Variants in PARN observed in about 807,000 individuals in gnomAD.
The protein encoded by PARN is poly(A)-specific ribonuclease, also known as poly(A)-specific ribonuclease PARN.
A neutral mutation model predicts 102.8 loss-of-function variants in PARN; 71 were observed. The observed-to-expected ratio is 0.69, with a 90% CI of 0.57 to 0.84. The LOEUF (loss-of-function observed/expected upper bound fraction) is 0.84, where lower values mean the gene tolerates loss of function less well. PARN is among the 40% of genes least tolerant of loss of function. The probability of loss-of-function intolerance (pLI) is 0.00; values close to 1 mark genes in which losing one functional copy is unlikely to be tolerated. For missense variants in PARN, 782 were observed against 760.9 expected (o/e 1.03, Z -0.33); for synonymous variants, 261 against 252.9 (o/e 1.03, Z -0.30).
intron 21 of PARN, among the ~76,000 whole-genome samples, chr16:14,532,851 G>A (rs866986567): frequency 6.6e-6 from 1 of 151,348 alleles, no homozygotes; most frequent in African/African-American, 2.4e-5. Context: ...CTGGCCGGGC[G>A]GGGGGCTGAC....
At position 14,445,567 on chromosome 16, in the gene PARN, T is replaced by C. The variant is rs1168196380; in HGVS notation, c.1864+1321A>G. 2.6e-5 allele frequency among the ~76,000 whole-genome samples: 4 copies of C among 151,944 alleles called. No homozygotes were observed. In the South Asian group the frequency reaches 6.2e-4, roughly 24 times the overall value. On this transcript the variant is annotated intron_variant, in intron 23 of 23. Coordinates refer to ENST00000437198, the MANE Select transcript of PARN (RefSeq NM_002582.4). ...GGTTAAAAGCACTCACTTTCTTTTG[T>C]GTGTGTGTATGTAAGACAGGGTGTC... is the stretch of plus-strand genomic sequence containing the variant.
At chr16:14,481,047 T>C (rs1567308730) in intron 22 of PARN, among the ~76,000 whole-genome samples, 2 of 152,180 alleles carry the variant, frequency 1.3e-5, no homozygotes, top group Admixed American at 6.5e-5. Flanking sequence ...AAATGGCATA[T>C]CAAACTTGTA....
rs1967640251 is a variant in PARN, at chr16:14,555,690, T to C, written c.1282A>G (p.Met428Val). The part of the protein sequence containing the change: ...FFNKLFLMRV[M>V]DIPYLNLEGP... ...TCCAAGTTTAGATAGGGGATATCCA[T>C]GACCCTCATAAGAAATAACCTACAA... The change falls in exon 19 of 24, where the codon ATG becomes GTG. Residue 428 changes from methionine (M) to valine (V), a missense_variant. Coordinates refer to ENST00000437198, the MANE Select transcript of PARN (RefSeq NM_002582.4). 3 of 1,488,880 alleles carry C rather than the reference T, an allele frequency of 2.0e-6. No individual in the cohort carries two copies. The highest frequency in any genetic ancestry group is 2.0e-5 in the Admixed American group (1 of 50,088). 92.2% of individuals were successfully genotyped at this position (1,488,880 alleles called of 1,614,324 possible).
At chr16:14,527,266 T>C (rs1966059893) in intron 21 of PARN, among the ~76,000 whole-genome samples, 1 of 152,244 alleles carries the variant, frequency 6.6e-6, no homozygotes, top group African/African-American at 2.4e-5. Context: ...TTCCCTCTGC[T>C]TTAACCTTTA....
chr16:14,518,316 A>G (rs1965562972), intron 21 of PARN, among the ~76,000 whole-genome samples: 1 of 128,226 alleles, frequency 7.8e-6, no homozygotes, highest in Non-Finnish European at 1.7e-5. Context: ...AAAAAAAAAA[A>G]GACTACTCAT....
intron 3 of PARN, 23 bp from the exon 4 acceptor site, chr16:14,627,359 C>T: frequency 2.6e-6 from 4 of 1,552,340 alleles, no homozygotes; most frequent in Non-Finnish European, 2.6e-6. Context: ...AATAAAACAT[C>T]TGTCACAAAA....
intron 21 of PARN, among the ~76,000 whole-genome samples, chr16:14,523,533 C>T (rs930843041): frequency 6.6e-6 from 1 of 152,196 alleles, no homozygotes; most frequent in Non-Finnish European, 1.5e-5. Context: ...TTAGAGCAAT[C>T]TCTGCTTTCT....
In PARN at chr16:14,533,570, C is replaced by A. The variant is rs181183049; in HGVS notation, c.1480+18451G>T. ...CTAGCTCCCCGCTGCCCCACAGCTGCTCCACTCCACGTGCCCTCTGTTTCA... is the reference window on the plus strand; with the variant it reads ...CTAGCTCCCCGCTGCCCCACAGCTGATCCACTCCACGTGCCCTCTGTTTCA... On this transcript the variant is annotated intron_variant, in intron 21 of 23. Coordinates refer to ENST00000437198, the MANE Select transcript of PARN (RefSeq NM_002582.4). Among the ~76,000 whole-genome samples, 334 of 152,242 alleles carry A rather than the reference C, an allele frequency of 2.2e-3. 1 individual carries two copies. The highest frequency in any genetic ancestry group is 2.5e-3 in the Non-Finnish European group (168 of 68,016).
At chr16:14,498,341 C>T (rs1367659771) in intron 21 of PARN, among the ~76,000 whole-genome samples, 1 of 151,976 alleles carries the variant, frequency 6.6e-6, no homozygotes, top group African/African-American at 2.4e-5. Context: ...ATTAGAGAGT[C>T]ACAGAAATTC....
chr16:14,538,201 A>C (rs1469238923), intron 21 of PARN, among the ~76,000 whole-genome samples: 1 of 142,616 alleles, frequency 7.0e-6, no homozygotes, highest in Non-Finnish European at 1.6e-5. Context: ...TTTTCCTTGT[A>C]TTTTCAAATA....
chr16:14,480,707 G>A (rs754235447), intron 22 of PARN, among the ~76,000 whole-genome samples: 29 of 152,276 alleles, frequency 1.9e-4, no homozygotes, highest in Middle Eastern at 3.4e-3. Flanking sequence ...TTGGGAGGCC[G>A]AGGCAGGCGG....
chr16:14,569,037 C>T (rs1391527113), intron 18 of PARN, among the ~76,000 whole-genome samples: 1 of 151,798 alleles, frequency 6.6e-6, no homozygotes, highest in Non-Finnish European at 1.5e-5. Flanking sequence ...CATGGTTAAA[C>T]CCCGTCTCTA....
intron 21 of PARN, among the ~76,000 whole-genome samples, chr16:14,501,294 C>CAATAATAAT (rs113060340): frequency 5.6e-5 from 8 of 142,158 alleles, no homozygotes; most frequent in South Asian, 4.6e-4. Flanking sequence ...AACAAAAAAA[C>CAATAATAAT]AATAATAATA....
chr16:14,485,784 T>C (rs1242119156), intron 21 of PARN, among the ~76,000 whole-genome samples: 1 of 152,004 alleles, frequency 6.6e-6, no homozygotes. Context: ...GCCTCCCGGG[T>C]TCAAGTGATT....
intron 21 of PARN, among the ~76,000 whole-genome samples, chr16:14,488,575 G>A (rs893108908): frequency 7.9e-5 from 12 of 152,162 alleles, no homozygotes; most frequent in African/African-American, 2.4e-4. Flanking sequence ...TGAGAAGCAC[G>A]GTCACCGCAC....
Position 14,482,745 on chromosome 16 carries a change from C to G in PARN, c.1563G>C (p.Gln521His). The change falls in exon 22 of 24, where the codon CAG (glutamine) becomes CAC (histidine). Residue 521 changes from glutamine (Q) to histidine (H), a missense_variant. Gln to His is a conservative substitution (Grantham distance 24). Transcript: ENST00000437198. ...TATCTTCAGTCCACTTTCTTTTGAT[C>G]TGCTTCTCTTCCTGTTTTCTCCCCA... ...EYMGRKQEEK[Q>H]IKRKWTEDSW... The G allele has an allele frequency of 6.2e-7, 1 of 1,613,846 alleles. No individual in the cohort carries two copies. The highest frequency in any genetic ancestry group is 1.1e-5 in the South Asian group (1 of 91,070).
intron 5 of PARN, among the ~76,000 whole-genome samples, chr16:14,625,204 A>AAACCC (rs1555511198): frequency 1.3e-5 from 2 of 151,924 alleles, no homozygotes; most frequent in Non-Finnish European, 2.9e-5. Flanking sequence ...TTACCAAAAA[A>AAACCC]AAAACAAAAC....
intron 6 of PARN, among the ~76,000 whole-genome samples, chr16:14,617,063 T>G (rs1468194088): frequency 5.6e-4 from 84 of 150,402 alleles, no homozygotes; most frequent in African/African-American, 2.0e-3. Flanking sequence ...TGATTATGTT[T>G]TTTGTTTTTT....
At chr16:14,493,808 G>A (rs543855077) in intron 21 of PARN, among the ~76,000 whole-genome samples, 12 of 152,220 alleles carry the variant, frequency 7.9e-5, no homozygotes, top group Non-Finnish European at 1.8e-4. Flanking sequence ...AGCATTGAAT[G>A]AATGATGTCA....
Sources: gnomAD v4.1 joint callset for allele counts (sites outside exome capture counted in the v4.1 genomes callset) on GRCh38, gnomAD v4.1.1 for gene constraint, MANE v1.5 for transcripts, NCBI Gene and HGNC (gene_info 2026-07-23, HGNC 2026-07-21) for gene names.